INSC: variants seen among roughly 807,000 people sequenced by gnomAD.
INSC encodes protein inscuteable homolog.
INSC carries 67 observed loss-of-function variants against 58.6 expected under a neutral mutation model. That is an observed-to-expected ratio of 1.14 (90% CI 0.94 to 1.40). INSC has a LOEUF of 1.40. Among genes scored for constraint, INSC ranks in the 40% most tolerant of loss-of-function variants. The pLI, the probability that INSC is intolerant of heterozygous loss-of-function variation, is 0.00. For missense variants in INSC, 714 were observed against 692.0 expected (o/e 1.03, Z -0.36); for synonymous variants, 262 against 276.1 (o/e 0.95, Z 0.51).
intron 1 of INSC, among the ~76,000 whole-genome samples, chr11:15,135,451 G>A (rs910463157): frequency 6.6e-6 from 1 of 152,188 alleles, no homozygotes; most frequent in Non-Finnish European, 1.5e-5. Flanking sequence ...ATGATTTGCT[G>A]AGAATGATTG....
At position 15,177,093 on chromosome 11, in the gene INSC, G is replaced by T; in HGVS notation, c.403-18G>T. On this transcript the variant is annotated intron_variant, in intron 3 of 12. Transcript: ENST00000379556. ...TAATGCTTACTGAGTTGAATAAAAT[G>T]GACTTATTTTTCTACAGATTGAGAA... The T allele has an allele frequency of 6.2e-7, 1 of 1,610,688 alleles. No homozygotes were observed.
In INSC at chr11:15,227,472, C is replaced by A. The variant is rs574984565; in HGVS notation, c.1170+1644C>A. Among the ~76,000 whole-genome samples the A allele has an allele frequency of 3.8e-3, 572 of 152,286 alleles. 2 individuals are homozygous for A. The highest frequency in any genetic ancestry group is 0.013 in the African/African-American group (544 of 41,552). On this transcript the variant is annotated intron_variant, in intron 9 of 12. Transcript: ENST00000379556. ...ATGGTGAATATCATTACTTTTTAAA[C>A]CTGATGCTCCAAAGAAGAGCATGAG...
chr11:15,268,495 CAATTA>C, the INSC span, among the ~76,000 whole-genome samples: 2 of 151,990 alleles, frequency 1.3e-5, no homozygotes, highest in Non-Finnish European at 2.9e-5. Context: ...ATGCTGGAAA[CAATTA>C]GATTCAAGAA....
At chr11:15,259,727 A>T in the INSC span, among the ~76,000 whole-genome samples, 1 of 152,196 alleles carries the variant, frequency 6.6e-6, no homozygotes, top group Non-Finnish European at 1.5e-5. Flanking sequence ...CAAAGAGATT[A>T]GATGTTTTTC....
chr11:15,127,028 G>A (rs777521621), intron 1 of INSC, among the ~76,000 whole-genome samples: 3 of 152,230 alleles, frequency 2.0e-5, no homozygotes, highest in Non-Finnish European at 4.4e-5. Flanking sequence ...GTTGCCATGA[G>A]GGGGCCTGCT....
intron 3 of INSC, 39 bp downstream of exon 3, chr11:15,176,125 G>A (rs1426223866): frequency 6.9e-7 from 1 of 1,451,904 alleles, no homozygotes. Context: ...GGAACTGGAA[G>A]TCAGGGTGCT....
chr11:15,208,811 C>T (rs933990826), intron 7 of INSC, among the ~76,000 whole-genome samples: 3 of 152,138 alleles, frequency 2.0e-5, no homozygotes, highest in Non-Finnish European at 2.9e-5. Flanking sequence ...AACAGCGACC[C>T]CTGGTGGATA....
Position 15,149,247 on chromosome 11 carries a change from T to C in INSC, c.56+17T>C, listed in dbSNP as rs766264924. ...GGGTCAGCGGTAAGTCCTACAGCTG[T>C]CACTCCAGGCCAGGCCTGCCCCATC... On this transcript the variant is annotated intron_variant, in intron 2 of 12. Coordinates refer to ENST00000379556, the MANE Select transcript of INSC (RefSeq NM_001042536.3). The C allele has an allele frequency of 6.4e-6, 10 of 1,566,578 alleles. No individual in the cohort carries two copies. The East Asian group carries it at 2.3e-4, about 36-fold the overall frequency.
At chr11:15,227,284 T>C (rs537447733) in intron 9 of INSC, among the ~76,000 whole-genome samples, 292 of 152,312 alleles carry the variant, frequency 1.9e-3, no homozygotes, top group Admixed American at 3.6e-3. Flanking sequence ...GGGCCATTTA[T>C]CAATTGAGTG....
chr11:15,205,201 C>A (rs555300524), intron 7 of INSC, among the ~76,000 whole-genome samples: 2 of 152,168 alleles, frequency 1.3e-5, no homozygotes, highest in African/African-American at 4.8e-5. Flanking sequence ...CATAGCTAGA[C>A]CCTGTTTCTT....
chr11:15,250,600 T>G (rs1243180349), downstream of INSC, among the ~76,000 whole-genome samples: 1 of 152,222 alleles, frequency 6.6e-6, no homozygotes, highest in Non-Finnish European at 1.5e-5. Flanking sequence ...TTATGAAGTT[T>G]CACCCTATAT....
intron 2 of INSC, among the ~76,000 whole-genome samples, chr11:15,172,988 G>T (rs1268974153): frequency 6.6e-6 from 1 of 152,196 alleles, no homozygotes; most frequent in Non-Finnish European, 1.5e-5. Context: ...ATTCTTGGGG[G>T]AATGTGAAGC....
intron 2 of INSC, among the ~76,000 whole-genome samples, chr11:15,159,379 C>T (rs922469738): frequency 3.3e-5 from 5 of 152,124 alleles, no homozygotes; most frequent in African/African-American, 1.2e-4. Context: ...CACATTACGT[C>T]TGTGAATTAT....
At chr11:15,220,399 A>G (rs946393919) in intron 7 of INSC, among the ~76,000 whole-genome samples, 1 of 152,150 alleles carries the variant, frequency 6.6e-6, no homozygotes, top group Non-Finnish European at 1.5e-5. Flanking sequence ...AGCACTGCAG[A>G]GCTAACCTTG....
At chr11:15,218,863 G>A (rs7948854) in intron 7 of INSC, among the ~76,000 whole-genome samples, 3 of 152,152 alleles carry the variant, frequency 2.0e-5, no homozygotes, top group African/African-American at 7.2e-5. Flanking sequence ...CTCCATCTAC[G>A]ACGCCATTCC....
the INSC span, among the ~76,000 whole-genome samples, chr11:15,267,046 G>A: frequency 6.6e-6 from 1 of 152,018 alleles, no homozygotes; most frequent in South Asian, 2.1e-4. Context: ...ATTTCTTGTA[G>A]CATATACATC....
downstream of INSC, among the ~76,000 whole-genome samples, chr11:15,251,603 A>C (rs67714013): frequency 0.061 from 9,289 of 152,298 alleles, 358 homozygotes; most frequent in East Asian, 0.1. Flanking sequence ...TTGAATAGAT[A>C]TCTCTCCAAA....
chr11:15,199,050 A>G (rs1398312902), intron 6 of INSC, among the ~76,000 whole-genome samples: 1 of 151,986 alleles, frequency 6.6e-6, no homozygotes, highest in Non-Finnish European at 1.5e-5. Flanking sequence ...TGCACCCCCA[A>G]CCACATGTCA....
the INSC span, among the ~76,000 whole-genome samples, chr11:15,268,001 C>A: frequency 1.3e-5 from 2 of 151,972 alleles, no homozygotes; most frequent in African/African-American, 4.8e-5. Flanking sequence ...GCTTCTTGGA[C>A]TCCTAATACC....
Sources: allele counts gnomAD v4.1 joint callset (sites outside exome capture counted in the v4.1 genomes callset), GRCh38; gene constraint gnomAD v4.1.1; transcripts MANE v1.5; gene names NCBI Gene and HGNC (gene_info 2026-07-23, HGNC 2026-07-21).